NUMB: variants seen among roughly 807,000 people sequenced by gnomAD.
NUMB encodes protein numb homolog.
A neutral mutation model predicts 59.7 loss-of-function variants in NUMB; 29 were observed. The ratio of observed to expected loss-of-function variants is 0.49; its 90% confidence interval spans 0.36 to 0.66. The LOEUF (loss-of-function observed/expected upper bound fraction) is 0.66, where lower values mean the gene tolerates loss of function less well. Ranked by LOEUF, NUMB falls within the 30% of genes least tolerant of loss-of-function variation. The probability of loss-of-function intolerance (pLI) is 0.00; values close to 1 mark genes in which losing one functional copy is unlikely to be tolerated. For missense variants in NUMB, 723 were observed against 822.0 expected (o/e 0.88, Z 1.47); for synonymous variants, 288 against 288.2 (o/e 1.00, Z 0.01).
At chr14:73,410,487 ATC>A (rs1371169811) in intron 1 of NUMB, among the ~76,000 whole-genome samples, 1 of 152,306 alleles carries the variant, frequency 6.6e-6, no homozygotes, top group Non-Finnish European at 1.5e-5. Flanking sequence ...TGATTTTATC[ATC>A]TCTAAAAGGG....
At chr14:73,363,556 T>C (rs557017064) in intron 3 of NUMB, among the ~76,000 whole-genome samples, 1 of 152,310 alleles carries the variant, frequency 6.6e-6, no homozygotes, top group South Asian at 2.1e-4. Flanking sequence ...AGTTTCTAAC[T>C]CATTATTTGA....
chr14:73,428,602 G>A (rs1566793039), intron 1 of NUMB, among the ~76,000 whole-genome samples: 1 of 151,964 alleles, frequency 6.6e-6, no homozygotes, highest in Non-Finnish European at 1.5e-5. Context: ...AACCAGCCTG[G>A]GCAACATACC....
At chr14:73,309,750 TAATAATAAA>T (rs199866406) in intron 6 of NUMB, among the ~76,000 whole-genome samples, 1,851 of 145,104 alleles carry the variant, frequency 0.013, 37 homozygotes, top group African/African-American at 0.04. Context: ...ATAATAATAA[TAATAATAAA>T]AATAGGATCC....
At chr14:73,449,566 T>C (rs578031968) in intron 1 of NUMB, among the ~76,000 whole-genome samples, 5 of 152,334 alleles carry the variant, frequency 3.3e-5, no homozygotes, top group Admixed American at 1.3e-4. Flanking sequence ...TATAATATGA[T>C]AGATAAACAG....
chr14:73,320,632 G>A (rs1891351101), intron 5 of NUMB, among the ~76,000 whole-genome samples: 1 of 152,110 alleles, frequency 6.6e-6, no homozygotes, highest in African/African-American at 2.4e-5. Context: ...CATAATATTT[G>A]ATTATGGTTA....
rs1269375370 is a variant in NUMB at position 73,275,608 on chromosome 14, G to A, written c.*970C>T. 1 of 152,020 alleles carries A rather than the reference G, an allele frequency of 6.6e-6. No individual in the cohort carries two copies. The highest frequency in any genetic ancestry group is 1.9e-4 in the East Asian group (1 of 5,184). 9.4% of individuals were successfully genotyped at this position (152,020 alleles called of 1,614,324 possible). ...AAGGAAACTGCAGCAATATATAAAA[G>A]ATATATTCTCTATAGAGCATATTTC... is the stretch of plus-strand genomic sequence containing the variant. On this transcript the variant is annotated 3_prime_UTR_variant, in exon 13 of 13. Coordinates refer to ENST00000555238, the MANE Select transcript of NUMB (RefSeq NM_001005743.2).
intron 7 of NUMB, among the ~76,000 whole-genome samples, chr14:73,293,403 T>C (rs1192992760): frequency 2.1e-5 from 3 of 145,468 alleles, no homozygotes; most frequent in Non-Finnish European, 4.6e-5. Context: ...CTTTTTTTTT[T>C]TTTTTTTTTG....
intron 2 of NUMB, among the ~76,000 whole-genome samples, chr14:73,374,834 C>T (rs1243667225): frequency 6.6e-6 from 1 of 151,102 alleles, no homozygotes; most frequent in Non-Finnish European, 1.5e-5. Flanking sequence ...GATTCTCCTG[C>T]CTCAGCCTCC....
intron 4 of NUMB, among the ~76,000 whole-genome samples, chr14:73,341,995 T>C (rs917409435): frequency 3.9e-5 from 6 of 152,290 alleles, no homozygotes; most frequent in African/African-American, 1.4e-4. Flanking sequence ...CCTTAAGAGT[T>C]ACTAAACGAA....
intron 7 of NUMB, 147 bp from the exon 8 acceptor site, chr14:73,293,021 A>T (rs756804041): frequency 1.7e-5 from 14 of 806,190 alleles, no homozygotes; most frequent in Non-Finnish European, 2.7e-5. Context: ...AGCAGTTTAA[A>T]TACTGAGAAT....
chr14:73,277,240 C>A lies in NUMB; in HGVS notation c.1294G>T (p.Gly432Cys), dbSNP rs190155352. ...GAASPGLFQA[G>C]HRRTPSEADR... ...GCCTCAGAGGGAGTACGTCTATGAC[C>A]GGCCTGGAAGAGACCTGGAGAGGCA... is the stretch of plus-strand genomic sequence containing the variant. Residue 432 changes from glycine (G) to cysteine (C), a missense_variant, in exon 13 of 13, where the codon GGT (glycine) becomes TGT (cysteine). By Grantham distance (159) the Gly-to-Cys change is radical. Coordinates refer to ENST00000555238, the MANE Select transcript of NUMB (RefSeq NM_001005743.2). 1 of 1,613,288 alleles carries A rather than the reference C, an allele frequency of 6.2e-7. No homozygotes were observed. Among genetic ancestry groups the A allele is most frequent in the African/African-American group, 1.3e-5 (1 of 75,000 alleles).
chr14:73,445,363 A>AAAAAAAAAAAG (rs1883404759), intron 1 of NUMB, among the ~76,000 whole-genome samples: 1 of 58,308 alleles, frequency 1.7e-5, no homozygotes, highest in Non-Finnish European at 3.7e-5. Context: ...TCAAAAAAAA[A>AAAAAAAAAAAG]AAAAAAAAAA....
intron 3 of NUMB, among the ~76,000 whole-genome samples, chr14:73,364,664 G>A (rs1420921078): frequency 2.6e-5 from 4 of 151,914 alleles, no homozygotes; most frequent in African/African-American, 9.7e-5. Flanking sequence ...GTCTTGCTCT[G>A]TTGTCCAGGC....
rs535907641 is a variant in NUMB at position 73,394,386 on chromosome 14, T to C, written c.-101+15551A>G. Among the ~76,000 whole-genome samples, 3 of 150,314 alleles carry C rather than the reference T, an allele frequency of 2.0e-5. No homozygotes were observed. In the East Asian group the frequency reaches 5.9e-4, roughly 30 times the overall value. On this transcript the variant is annotated intron_variant, in intron 2 of 12. Transcript: ENST00000555238. ...GTTTTGTGAGAACATTTAAGATTTA[T>C]TGTCTTTGCAGTTTTCTTTAAAAAA...
At chr14:73,305,478 A>T (rs186852263) in intron 6 of NUMB, among the ~76,000 whole-genome samples, 1 of 152,266 alleles carries the variant, frequency 6.6e-6, no homozygotes, top group East Asian at 1.9e-4. Context: ...ATGATCCCCA[A>T]GATCACCAGT....
At chr14:73,292,712 A>G (rs1157998742) in intron 8 of NUMB, 22 bp downstream of exon 8, 1 of 1,612,950 alleles carries the variant, frequency 6.2e-7, no homozygotes, top group Non-Finnish European at 8.5e-7. Flanking sequence ...CTCATCATGA[A>G]ATACATATTT....
At chr14:73,285,838 A>C (rs1019238335) in intron 9 of NUMB, among the ~76,000 whole-genome samples, 3 of 151,864 alleles carry the variant, frequency 2.0e-5, no homozygotes, top group African/African-American at 7.3e-5. Context: ...AGGCAGGAGA[A>C]TCGCTTGAGC....
intron 3 of NUMB, among the ~76,000 whole-genome samples, chr14:73,360,985 C>T (rs1894072310): frequency 6.6e-6 from 1 of 152,022 alleles, no homozygotes; most frequent in Admixed American, 6.6e-5. Flanking sequence ...ACCTCCCGGG[C>T]TCAAGCGATC....
rs569300221 is a variant in NUMB at position 73,426,375 on chromosome 14, G to A, written c.-232-16307C>T. On this transcript the variant is annotated intron_variant, in intron 1 of 12. Transcript: ENST00000555238. ...AGAAGCAGGCAGTGGCTGGGAGTCT[G>A]GCTTCCTTGGGGAACAGGCAAGAAA... Among the ~76,000 whole-genome samples, 26 of 152,238 alleles carry A rather than the reference G, an allele frequency of 1.7e-4. No homozygotes were observed. The South Asian group carries it at 1.9e-3, about 11-fold the overall frequency.
Sources: allele counts gnomAD v4.1 joint callset (sites outside exome capture counted in the v4.1 genomes callset), GRCh38; gene constraint gnomAD v4.1.1; transcripts MANE v1.5; gene names NCBI Gene and HGNC (gene_info 2026-07-23, HGNC 2026-07-21).